NR3C2: variants seen among roughly 807,000 people sequenced by gnomAD.
NR3C2 encodes the protein nuclear receptor subfamily 3 group C member 2.
Under a neutral mutation model 86.4 loss-of-function variants are expected in NR3C2, and 15 were observed. That is an observed-to-expected ratio of 0.17 (90% CI 0.12 to 0.27). The LOEUF is 0.27. Ranked by LOEUF, NR3C2 falls within the 10% of genes least tolerant of loss-of-function variation. The pLI, the probability that NR3C2 is intolerant of heterozygous loss-of-function variation, is 1.00. For synonymous variants in NR3C2, 458 were observed against 450.5 expected, an observed-to-expected ratio of 1.02 and a Z score of -0.21; for missense variants, 960 against 1,195.6, an observed-to-expected ratio of 0.80 and a Z score of 2.91.
chr4:148,151,827 T>G (rs1361543466), intron 6 of NR3C2, among the ~76,000 whole-genome samples: 1 of 152,158 alleles, frequency 6.6e-6, no homozygotes, highest in Non-Finnish European at 1.5e-5. Flanking sequence ...GATACAAACA[T>G]AAATAAAATG....
chr4:148,084,380 G>T (rs1398737768), intron 8 of NR3C2, among the ~76,000 whole-genome samples: 1 of 152,168 alleles, frequency 6.6e-6, no homozygotes, highest in Non-Finnish European at 1.5e-5. Context: ...ATTCTTAAAA[G>T]AATTTTCAAC....
intron 2 of NR3C2, among the ~76,000 whole-genome samples, chr4:148,353,997 A>G (rs1244830678): frequency 6.6e-6 from 1 of 152,158 alleles, no homozygotes; most frequent in East Asian, 1.9e-4. Flanking sequence ...TCTACAAATC[A>G]CAGGTCCTAA....
At chr4:148,112,803 G>A (rs762726466) in intron 8 of NR3C2, among the ~76,000 whole-genome samples, 2 of 152,006 alleles carry the variant, frequency 1.3e-5, no homozygotes, top group Middle Eastern at 3.4e-3. Flanking sequence ...ATAACATTCC[G>A]CTGGCATAAT....
At chr4:148,199,423 T>C (rs1454683325) in intron 3 of NR3C2, among the ~76,000 whole-genome samples, 1 of 152,214 alleles carries the variant, frequency 6.6e-6, no homozygotes, top group Non-Finnish European at 1.5e-5. Flanking sequence ...GATAAGATTC[T>C]GGAAAGTTAT....
intron 2 of NR3C2, among the ~76,000 whole-genome samples, chr4:148,345,413 T>C (rs1744941257): frequency 6.6e-6 from 1 of 151,992 alleles, no homozygotes; most frequent in South Asian, 2.1e-4. Flanking sequence ...ACATCGTTTT[T>C]CAATGGAAAA....
intron 8 of NR3C2, among the ~76,000 whole-genome samples, chr4:148,099,938 G>A (rs78259600): frequency 0.022 from 3,312 of 152,132 alleles, 138 homozygotes; most frequent in African/African-American, 0.074. Flanking sequence ...CACAAATCTC[G>A]CAGTCAGGTG....
At chr4:148,438,313 T>TG (rs1750174636) in intron 1 of NR3C2, among the ~76,000 whole-genome samples, 1 of 152,162 alleles carries the variant, frequency 6.6e-6, no homozygotes, top group African/African-American at 2.4e-5. Context: ...CAAATGCCCA[T>TG]GGGGGGCAAA....
intron 3 of NR3C2, among the ~76,000 whole-genome samples, chr4:148,227,960 G>C (rs144869150): frequency 1.9e-3 from 284 of 152,226 alleles, no homozygotes; most frequent in African/African-American, 6.1e-3. Context: ...GGTGGTGAAT[G>C]GTATTAAGAA....
chr4:148,130,576 C>T (rs1036811912), intron 6 of NR3C2, among the ~76,000 whole-genome samples: 2 of 152,146 alleles, frequency 1.3e-5, no homozygotes, highest in African/African-American at 2.4e-5. Flanking sequence ...GCATATCTTT[C>T]TATGACTGAT....
intron 3 of NR3C2, among the ~76,000 whole-genome samples, chr4:148,219,909 C>T (rs1647535282): frequency 6.6e-6 from 1 of 152,048 alleles, no homozygotes; most frequent in South Asian, 2.1e-4. Flanking sequence ...AATAAAAGCT[C>T]TTTGGGATTT....
intron 3 of NR3C2, among the ~76,000 whole-genome samples, chr4:148,238,939 T>C (rs1170575060): frequency 6.6e-6 from 1 of 152,046 alleles, no homozygotes; most frequent in Non-Finnish European, 1.5e-5. Flanking sequence ...AAAGTGAAGA[T>C]GGAAAGAAGA....
intron 8 of NR3C2, among the ~76,000 whole-genome samples, chr4:148,082,647 G>A (rs1730620771): frequency 6.7e-6 from 1 of 148,226 alleles, no homozygotes; most frequent in Non-Finnish European, 1.5e-5. Context: ...GGTTAGGGCA[G>A]ACACTGAGCT....
At chr4:148,159,533 C>G (rs1486772414) in intron 4 of NR3C2, among the ~76,000 whole-genome samples, 1 of 152,188 alleles carries the variant, frequency 6.6e-6, no homozygotes, top group East Asian at 1.9e-4. Flanking sequence ...GCACTATTTT[C>G]ATTTTTCAGG....
At chr4:148,248,626 C>T (rs2149857346) in intron 3 of NR3C2, among the ~76,000 whole-genome samples, 1 of 152,336 alleles carries the variant, frequency 6.6e-6, no homozygotes, top group Admixed American at 6.5e-5. Context: ...ACGGCTTTCT[C>T]AGTTGGCCCT....
At chr4:148,270,025 G>A (rs569414284) in intron 2 of NR3C2, among the ~76,000 whole-genome samples, 9 of 151,814 alleles carry the variant, frequency 5.9e-5, no homozygotes, top group African/African-American at 1.2e-4. Flanking sequence ...GATGGGTACC[G>A]GACCTAATGT....
chr4:148,309,955 A>C (rs1742826526), intron 2 of NR3C2, among the ~76,000 whole-genome samples: 2 of 152,198 alleles, frequency 1.3e-5, no homozygotes, highest in Admixed American at 1.3e-4. Context: ...ATGAGCAAAC[A>C]AAAAAATGAA....
intron 2 of NR3C2, among the ~76,000 whole-genome samples, chr4:148,406,622 T>C (rs1222565475): frequency 6.6e-6 from 1 of 152,188 alleles, no homozygotes; most frequent in African/African-American, 2.4e-5. Flanking sequence ...GGCCAGGGTC[T>C]TGCAGGCCAT....
chr4:148,134,625 TTCTCTC>T (rs199563185), intron 6 of NR3C2, among the ~76,000 whole-genome samples: 22 of 101,080 alleles, frequency 2.2e-4, no homozygotes, highest in South Asian at 1.6e-3. Context: ...CTCCCTGTGA[TTCTCTC>T]TCTCTCTCTC....
At chr4:148,287,150 C>T (rs1741565137) in intron 2 of NR3C2, among the ~76,000 whole-genome samples, 1 of 152,206 alleles carries the variant, frequency 6.6e-6, no homozygotes, top group African/African-American at 2.4e-5. Flanking sequence ...ATGGAAACCA[C>T]TTTTTTTCTC....
Sources: allele counts gnomAD v4.1 joint callset (sites outside exome capture counted in the v4.1 genomes callset), GRCh38; gene constraint gnomAD v4.1.1; transcripts MANE v1.5; gene names NCBI Gene and HGNC (gene_info 2026-07-23, HGNC 2026-07-21).